Variants in COG5 observed in about 807,000 individuals in gnomAD.
The protein encoded by COG5 is component of oligomeric golgi complex 5, also known as conserved oligomeric Golgi complex subunit 5.
Under a neutral mutation model 110.4 loss-of-function variants are expected in COG5, and 86 were observed. That is an observed-to-expected ratio of 0.78 (90% CI 0.65 to 0.93). The LOEUF is 0.93. Among genes scored for constraint, COG5 ranks in the 40% least tolerant of loss-of-function variants. The pLI is 0.00. For synonymous variants in COG5, 360 were observed against 334.6 expected, an observed-to-expected ratio of 1.08 and a Z score of -0.83; for missense variants, 1,077 against 987.0, an observed-to-expected ratio of 1.09 and a Z score of -1.22.
intron 6 of COG5, chr7:107,470,311 T>A (rs1796560271): frequency 1.3e-5 from 2 of 152,182 alleles, no homozygotes; most frequent in African/African-American, 4.8e-5. Flanking sequence ...AGACACATAT[T>A]TTCATTAAGG....
chr7:107,410,972 G>A (rs1462403893), intron 7 of COG5, among the ~76,000 whole-genome samples: 1 of 152,214 alleles, frequency 6.6e-6, no homozygotes, highest in Non-Finnish European at 1.5e-5. Context: ...AAACGACTGT[G>A]AGCCCAACGT....
intron 21 of COG5, among the ~76,000 whole-genome samples, chr7:107,207,634 AC>A (rs1369849830): frequency 1.3e-5 from 2 of 152,150 alleles, no homozygotes; most frequent in Non-Finnish European, 2.9e-5. Flanking sequence ...TTCAACACTT[AC>A]CCACAGGCAC....
intron 7 of COG5, among the ~76,000 whole-genome samples, chr7:107,391,378 ATTAACCTCTTAT>A (rs1296218058): frequency 6.6e-6 from 1 of 152,176 alleles, no homozygotes; most frequent in Non-Finnish European, 1.5e-5. Flanking sequence ...TATTTTAGAT[ATTAACCTCTTAT>A]CAGATAAATG....
chr7:107,508,348 G>T (rs1799198702), intron 6 of COG5, among the ~76,000 whole-genome samples: 1 of 152,226 alleles, frequency 6.6e-6, no homozygotes, highest in Non-Finnish European at 1.5e-5. Context: ...GCCTGCCATT[G>T]CCCAGGCTTG....
chr7:107,326,093 CA>C (rs1008601859), intron 10 of COG5, among the ~76,000 whole-genome samples: 30 of 152,132 alleles, frequency 2.0e-4, no homozygotes, highest in African/African-American at 7.0e-4. Flanking sequence ...AAGCATTAAA[CA>C]AAATTTAACA....
intron 7 of COG5, among the ~76,000 whole-genome samples, chr7:107,396,862 T>C (rs1013411963): frequency 6.6e-6 from 1 of 152,222 alleles, no homozygotes; most frequent in African/African-American, 2.4e-5. Context: ...AACAATAAAA[T>C]GAATTTTATA....
intron 14 of COG5, among the ~76,000 whole-genome samples, chr7:107,261,464 A>G (rs1803343156): frequency 6.6e-6 from 1 of 152,168 alleles, no homozygotes; most frequent in African/African-American, 2.4e-5. Context: ...GTTGTTATCA[A>G]CTTCACAGAT....
At chr7:107,420,087 A>G (rs1793172442) in intron 6 of COG5, among the ~76,000 whole-genome samples, 1 of 152,260 alleles carries the variant, frequency 6.6e-6, no homozygotes, top group Admixed American at 6.5e-5. Flanking sequence ...CAAAAATTTT[A>G]GAGAAAACAG....
intron 10 of COG5, among the ~76,000 whole-genome samples, chr7:107,340,303 A>C (rs1036576009): frequency 5.9e-5 from 9 of 152,128 alleles, no homozygotes; most frequent in African/African-American, 2.2e-4. Context: ...GGAAACACAC[A>C]ATCTCCCAAG....
At chr7:107,312,366 A>G (rs1431915914) in intron 11 of COG5, among the ~76,000 whole-genome samples, 1 of 152,174 alleles carries the variant, frequency 6.6e-6, no homozygotes, top group African/African-American at 2.4e-5. Flanking sequence ...CTTTTTGCAG[A>G]GCCCAGTGGG....
intron 7 of COG5, among the ~76,000 whole-genome samples, chr7:107,383,540 C>A (rs1044286446): frequency 1.3e-5 from 2 of 152,072 alleles, no homozygotes; most frequent in African/African-American, 4.8e-5. Flanking sequence ...ATTCTCTAGG[C>A]CCCCCTACCT....
At chr7:107,293,223 C>T (rs1806320249) in intron 12 of COG5, among the ~76,000 whole-genome samples, 1 of 152,218 alleles carries the variant, frequency 6.6e-6, no homozygotes, top group Admixed American at 6.5e-5. Flanking sequence ...ACTCAAGGAC[C>T]CATTCATTGC....
intron 6 of COG5, among the ~76,000 whole-genome samples, chr7:107,525,036 T>A (rs2129154884): frequency 6.6e-6 from 1 of 152,254 alleles, no homozygotes; most frequent in African/African-American, 2.4e-5. Context: ...CAAGTGATTC[T>A]CCTACCTCAG....
intron 6 of COG5, among the ~76,000 whole-genome samples, chr7:107,495,136 T>C (rs1025727239): frequency 1.3e-5 from 2 of 152,148 alleles, no homozygotes; most frequent in African/African-American, 4.8e-5. Context: ...ACAGCTATAA[T>C]GGCAGAAAGC....
chr7:107,507,387 G>C (rs1330280671), intron 6 of COG5, among the ~76,000 whole-genome samples: 1 of 149,396 alleles, frequency 6.7e-6, no homozygotes, highest in Non-Finnish European at 1.5e-5. Context: ...TCTGCCTCCC[G>C]GGTTCACACC....
chr7:107,354,835 G>A (rs1812487719), intron 10 of COG5, among the ~76,000 whole-genome samples: 1 of 152,252 alleles, frequency 6.6e-6, no homozygotes, highest in Admixed American at 6.5e-5. Flanking sequence ...GAGATTACAT[G>A]ACCTACCCAA....
intron 6 of COG5, among the ~76,000 whole-genome samples, chr7:107,511,450 A>G (rs1032569711): frequency 2.6e-5 from 4 of 152,322 alleles, no homozygotes; most frequent in East Asian, 3.9e-4. Flanking sequence ...ATTCACAGCC[A>G]AATTCTACCA....
chr7:107,343,096 C>T (rs1432698540), intron 10 of COG5, among the ~76,000 whole-genome samples: 1 of 152,112 alleles, frequency 6.6e-6, no homozygotes, highest in Non-Finnish European at 1.5e-5. Flanking sequence ...AGGCCATTAT[C>T]CTAAGCAAAT....
chr7:107,203,663 T>C (rs781040627), intron 21 of COG5, 33 bp from the exon 22 acceptor site: 10 of 1,340,226 alleles, frequency 7.5e-6, no homozygotes, highest in Non-Finnish European at 9.7e-6. Flanking sequence ...TGTCAAAATA[T>C]TAGATAAATC....
Sources: gnomAD v4.1 joint callset for allele counts (sites outside exome capture counted in the v4.1 genomes callset) on GRCh38, gnomAD v4.1.1 for gene constraint, MANE v1.5 for transcripts, NCBI Gene and HGNC (gene_info 2026-07-23, HGNC 2026-07-21) for gene names.